Variants in PROM1 observed in about 807,000 individuals in gnomAD.
The protein encoded by PROM1 is prominin-1.
PROM1 carries 105 observed loss-of-function variants against 116.9 expected under a neutral mutation model. The ratio of observed to expected loss-of-function variants is 0.90; its 90% CI spans 0.77 to 1.06. The LOEUF is 1.06. PROM1 is among the 50% of genes least tolerant of loss of function. The pLI, the probability that PROM1 is intolerant of heterozygous loss-of-function variation, is 0.00. For synonymous variants in PROM1, 393 were observed against 387.0 expected, an observed-to-expected ratio of 1.02 and a Z score of -0.18; for missense variants, 1,122 against 1,045.2, an observed-to-expected ratio of 1.07 and a Z score of -1.01.
At chr4:15,980,787 C>T (rs975534422) in intron 23 of PROM1, among the ~76,000 whole-genome samples, 2 of 151,670 alleles carry the variant, frequency 1.3e-5, no homozygotes, top group African/African-American at 2.4e-5. Flanking sequence ...ATTTTACAAA[C>T]GAGGAGCAGA....
chr4:16,005,816 G>A (rs1488659935), intron 13 of PROM1, among the ~76,000 whole-genome samples: 1 of 152,160 alleles, frequency 6.6e-6, no homozygotes, highest in East Asian at 1.9e-4. Flanking sequence ...CTCTCTCCCT[G>A]CAGAGCATTC....
intron 5 of PROM1, among the ~76,000 whole-genome samples, chr4:16,030,623 A>G (rs1732449027): frequency 6.6e-6 from 1 of 152,234 alleles, no homozygotes; most frequent in Non-Finnish European, 1.5e-5. Flanking sequence ...TTTACTTTGT[A>G]GCTTTATTGT....
At chr4:16,033,634 G>T in intron 4 of PROM1, 125 bp from the exon 5 acceptor site, 1 of 806,520 alleles carries the variant, frequency 1.2e-6, no homozygotes, top group Non-Finnish European at 1.7e-6. Context: ...CTGTTGCCCA[G>T]GCTGGAGCGC....
intron 23 of PROM1, among the ~76,000 whole-genome samples, chr4:15,981,629 T>C (rs533296791): frequency 3.2e-4 from 48 of 152,204 alleles, no homozygotes; most frequent in African/African-American, 1.1e-3. Context: ...GTTCTGCATC[T>C]GAGCAGCTGA....
chr4:16,067,614 T>A (rs1169181796), intron 2 of PROM1, among the ~76,000 whole-genome samples: 2 of 152,224 alleles, frequency 1.3e-5, no homozygotes, highest in African/African-American at 4.8e-5. Context: ...CCTCTGTGTG[T>A]GACCTAATTT....
chr4:16,017,992 AAT>A (rs1190511762), intron 9 of PROM1, among the ~76,000 whole-genome samples: 1 of 139,980 alleles, frequency 7.1e-6, no homozygotes, highest in Admixed American at 7.4e-5. Flanking sequence ...ATACATGGCT[AAT>A]AGACTAGGCA....
At chr4:16,064,208 A>G (rs941422972) in intron 2 of PROM1, among the ~76,000 whole-genome samples, 9 of 152,240 alleles carry the variant, frequency 5.9e-5, no homozygotes, top group African/African-American at 1.7e-4. Flanking sequence ...GGCCCCAACC[A>G]AAAACCTCTC....
intron 1 of PROM1, chr4:16,082,314 C>A (rs1344913523): frequency 6.6e-6 from 1 of 151,894 alleles, no homozygotes; most frequent in Non-Finnish European, 1.5e-5. Flanking sequence ...ATGATTCAAC[C>A]CAACATATCG....
intron 2 of PROM1, among the ~76,000 whole-genome samples, chr4:16,060,160 C>A (rs1029591527): frequency 6.6e-6 from 1 of 152,206 alleles, no homozygotes; most frequent in Non-Finnish European, 1.5e-5. Context: ...CTTCACACTG[C>A]ATATTCCTTT....
chr4:16,000,623 GA>G lies in PROM1; in HGVS notation c.1455-5del. 5.2e-6 allele frequency: 8 copies of G among 1,540,268 alleles called. No homozygotes were observed. Among genetic ancestry groups the G allele is most frequent in the Non-Finnish European group, 6.2e-6 (7 of 1,130,600 alleles). On this transcript the variant is annotated splice_region_variant and splice_polypyrimidine_tract_variant and intron_variant, in intron 13 of 27. Coordinates refer to ENST00000447510, the MANE Select transcript of PROM1 (RefSeq NM_006017.3). Reference sequence around the variant, plus strand: ...GAGGAAACTTAATCCAACTCCACTGGAAAAAAATATAAAGTTAGTAATTCAA... The same window carrying G: ...GAGGAAACTTAATCCAACTCCACTGGAAAAAATATAAAGTTAGTAATTCAA...
At chr4:16,029,480 GA>G (rs1415604925) in intron 5 of PROM1, among the ~76,000 whole-genome samples, 6 of 152,062 alleles carry the variant, frequency 3.9e-5, no homozygotes, top group African/African-American at 7.3e-5. Flanking sequence ...AGTCTACAGT[GA>G]GGGGTGGAAA....
At chr4:15,979,270 C>T in intron 26 of PROM1, 125 bp downstream of exon 26, 1 of 1,440,468 alleles carries the variant, frequency 6.9e-7, no homozygotes, top group Non-Finnish European at 9.4e-7. Flanking sequence ...TGGAGACTAG[C>T]ATTGATAAAG....
At chr4:16,062,223 A>T (rs1740518583) in intron 2 of PROM1, among the ~76,000 whole-genome samples, 1 of 152,086 alleles carries the variant, frequency 6.6e-6, no homozygotes, top group Non-Finnish European at 1.5e-5. Context: ...CACCAGTCAT[A>T]TTGGATTAAG....
At chr4:16,058,225 C>A (rs1739487238) in intron 2 of PROM1, among the ~76,000 whole-genome samples, 2 of 152,138 alleles carry the variant, frequency 1.3e-5, no homozygotes, top group African/African-American at 4.8e-5. Flanking sequence ...CAGGACAAAG[C>A]CCAGTGGACT....
chr4:15,979,946 T>C, intron 24 of PROM1, 42 bp from the exon 25 acceptor site: 2 of 1,231,070 alleles, frequency 1.6e-6, no homozygotes, highest in Non-Finnish European at 1.1e-6. Context: ...ATTTTTTTAA[T>C]TATTATGAAA....
chr4:15,987,571 C>A, intron 20 of PROM1, 92 bp downstream of exon 20: 7 of 1,287,660 alleles, frequency 5.4e-6, no homozygotes, highest in Non-Finnish European at 7.7e-6. Flanking sequence ...TTTTTTTCAA[C>A]TTAAAGTACC....
intron 2 of PROM1, among the ~76,000 whole-genome samples, chr4:16,065,202 A>G (rs147123304): frequency 1.5e-3 from 222 of 152,270 alleles, no homozygotes; most frequent in African/African-American, 5.0e-3. Context: ...CAGAGCCTGC[A>G]TGCCATATGC....
At chr4:16,056,261 G>A (rs1263482625) in intron 2 of PROM1, among the ~76,000 whole-genome samples, 2 of 152,136 alleles carry the variant, frequency 1.3e-5, no homozygotes, top group African/African-American at 4.8e-5. Flanking sequence ...ACCAGATTTA[G>A]GATTCCACCA....
intron 11 of PROM1, among the ~76,000 whole-genome samples, chr4:16,012,550 A>C (rs1473565699): frequency 6.6e-6 from 1 of 152,116 alleles, no homozygotes; most frequent in Non-Finnish European, 1.5e-5. Flanking sequence ...AGACAAAATA[A>C]ATTCTTTTAC....
Sources: gnomAD v4.1 joint callset for allele counts (sites outside exome capture counted in the v4.1 genomes callset) on GRCh38, gnomAD v4.1.1 for gene constraint, MANE v1.5 for transcripts, NCBI Gene and HGNC (gene_info 2026-07-23, HGNC 2026-07-21) for gene names.